Variants in KDM2B observed in about 807,000 individuals in gnomAD.
The protein encoded by KDM2B is lysine demethylase 2B.
Under a neutral mutation model 150.0 loss-of-function variants are expected in KDM2B, and 26 were observed. The ratio of observed to expected loss-of-function variants is 0.17; its 90% confidence interval spans 0.13 to 0.24. The LOEUF (loss-of-function observed/expected upper bound fraction) is 0.24. KDM2B is among the 10% of genes least tolerant of loss of function. KDM2B has a pLI of 1.00. For missense variants in KDM2B, 1,265 were observed against 1,816.9 expected, an observed-to-expected ratio of 0.70 and a Z score of 5.52; for synonymous variants, 734 against 729.5, an observed-to-expected ratio of 1.01 and a Z score of -0.10.
At chr12:121,500,935 TAC>T (rs1159629206) in intron 11 of KDM2B, among the ~76,000 whole-genome samples, 1 of 152,140 alleles carries the variant, frequency 6.6e-6, no homozygotes, top group Non-Finnish European at 1.5e-5. Flanking sequence ...ACCCTGTCTC[TAC>T]TGAAAACACA....
At chr12:121,536,672 T>TTC (rs1457110370) in intron 6 of KDM2B, among the ~76,000 whole-genome samples, 3 of 151,996 alleles carry the variant, frequency 2.0e-5, no homozygotes, top group African/African-American at 7.2e-5. Flanking sequence ...TTTTTTTTTT[T>TTC]TTTCTTTTTT....
intron 8 of KDM2B, among the ~76,000 whole-genome samples, chr12:121,529,657 C>T (rs782254373): frequency 6.6e-6 from 1 of 151,936 alleles, no homozygotes; most frequent in Non-Finnish European, 1.5e-5. Flanking sequence ...GGGCTGGGCG[C>T]GGTGGCTCAT....
At chr12:121,573,729 A>C (rs1891293479) in intron 4 of KDM2B, among the ~76,000 whole-genome samples, 1 of 151,980 alleles carries the variant, frequency 6.6e-6, no homozygotes, top group African/African-American at 2.4e-5. Context: ...CTGGGACCAC[A>C]GGCGCCCGCC....
the KDM2B span, among the ~76,000 whole-genome samples, chr12:121,421,963 T>C: frequency 6.6e-6 from 1 of 152,228 alleles, no homozygotes; most frequent in African/African-American, 2.4e-5. Flanking sequence ...GCAATCCTAC[T>C]TCAAAGATGA....
intron 4 of KDM2B, among the ~76,000 whole-genome samples, chr12:121,571,945 C>T (rs533566882): frequency 6.6e-6 from 1 of 152,258 alleles, no homozygotes; most frequent in East Asian, 1.9e-4. Flanking sequence ...GCCACGGCGC[C>T]CAGCCACTCT....
intron 12 of KDM2B, among the ~76,000 whole-genome samples, chr12:121,456,443 C>A (rs551140399): frequency 1.5e-4 from 23 of 152,312 alleles, no homozygotes; most frequent in African/African-American, 4.6e-4. Flanking sequence ...TCTTCAAATA[C>A]CTGGAACACA....
chr12:121,555,097 T>C (rs1231828630), intron 4 of KDM2B, among the ~76,000 whole-genome samples: 1 of 152,126 alleles, frequency 6.6e-6, no homozygotes, highest in African/African-American at 2.4e-5. Context: ...CACTTGAGCC[T>C]GGAAGGCAGA....
Position 121,500,088 on chromosome 12 carries a change from C to G in KDM2B, c.1648-5423G>C, listed in dbSNP as rs1884387063. ...CGGCCACCAGGGGGCGCCCTGGGCT[C>G]TGTCCCTCAGGGAAGAATTTTCATT... On this transcript the variant is annotated intron_variant, in intron 11 of 22. Coordinates refer to ENST00000377071, the MANE Select transcript of KDM2B (RefSeq NM_032590.5). Among the ~76,000 whole-genome samples, 4 of 152,236 alleles carry G rather than the reference C, an allele frequency of 2.6e-5. No individual in the cohort carries two copies. In the South Asian group the frequency reaches 8.3e-4, roughly 32 times the overall value.
At position 121,440,939 on chromosome 12, in the gene KDM2B, C is replaced by T. The variant is rs371398751; in HGVS notation, c.3487G>A (p.Ala1163Thr). The change falls in exon 21 of 23, where the codon GCG (alanine) becomes ACG (threonine). Residue 1163 changes from alanine to threonine, a missense_variant. By Grantham distance (58) the Ala-to-Thr change is moderately conservative (BLOSUM62 0). This residue lies in a region of KDM2B where 251 missense variants were observed against 397.8 expected (regional missense o/e 0.63). Coordinates refer to ENST00000377071, the MANE Select transcript of KDM2B (RefSeq NM_032590.5). ...CTGGAGCTGCAAAGGGCCGAGACCG[C>T]GATCCATGAGCAGCCTGACAGCACC... ...DLVLSGCSWI[A>T]VSALCSSSCP... is the part of the protein sequence containing the mutation. The T allele has an allele frequency of 2.5e-6, 4 of 1,613,892 alleles. No individual in the cohort carries two copies. Among genetic ancestry groups the T allele is most frequent in the African/African-American group, 1.3e-5 (1 of 74,932 alleles).
chr12:121,416,161 G>A, the KDM2B span: 71 of 1,613,486 alleles, frequency 4.4e-5, 1 homozygote, highest in Middle Eastern at 2.9e-3. Context: ...CTTTTTAGGC[G>A]GGTGCCACGT....
the KDM2B span, among the ~76,000 whole-genome samples, chr12:121,413,608 C>T: frequency 2.4e-4 from 30 of 126,580 alleles, no homozygotes; most frequent in Middle Eastern, 0.032. Context: ...GATGGAGTCT[C>T]GCTTTGTTGC....
At chr12:121,438,552 G>T (rs1248050583) in intron 22 of KDM2B, among the ~76,000 whole-genome samples, 1 of 152,184 alleles carries the variant, frequency 6.6e-6, no homozygotes, top group Admixed American at 6.5e-5. Context: ...CCTTGAGCTG[G>T]AGAAGCCTCA....
chr12:121,553,433 T>G (rs1395612038), intron 4 of KDM2B, among the ~76,000 whole-genome samples: 2 of 152,074 alleles, frequency 1.3e-5, no homozygotes, highest in Non-Finnish European at 2.9e-5. Flanking sequence ...AAGTCAGCAC[T>G]GAAGGCCAAG....
Position 121,518,626 on chromosome 12 carries a change from G to T in KDM2B, c.1047+2359C>A, listed in dbSNP as rs1054335551. 1.3e-5 allele frequency among the ~76,000 whole-genome samples: 2 copies of T among 152,206 alleles called. No homozygotes were observed. Among genetic ancestry groups the T allele is most frequent in the African/African-American group, 4.8e-5 (2 of 41,450 alleles). On this transcript the variant is annotated intron_variant, in intron 9 of 22. Transcript: ENST00000377071. The surrounding 1 kb of genome is among the most constrained non-coding windows in gnomAD (Gnocchi z 4.4). ...CTGCCAGTCGTCATGGGTGGGGGAA[G>T]GGACCTGGGCTCCTAAGGGAACCAT... is the stretch of plus-strand genomic sequence containing the variant.
chr12:121,493,816 T>G (rs1883616102), intron 12 of KDM2B: 1 of 152,226 alleles, frequency 6.6e-6, no homozygotes, highest in Non-Finnish European at 1.5e-5. Context: ...CTCTTCCTCA[T>G]GTCCTGGTCC....
At chr12:121,480,196 G>A (rs1389877593) in intron 12 of KDM2B, among the ~76,000 whole-genome samples, 7 of 152,238 alleles carry the variant, frequency 4.6e-5, no homozygotes, top group Non-Finnish European at 2.9e-5. Flanking sequence ...CAGATTCTCT[G>A]GAGCAAGGAG....
At chr12:121,481,535 T>C (rs1882137043) in intron 12 of KDM2B, among the ~76,000 whole-genome samples, 1 of 101,892 alleles carries the variant, frequency 9.8e-6, no homozygotes, top group Admixed American at 1.2e-4. Flanking sequence ...GAGAAAGAAG[T>C]CGGGGGGGTG....
In KDM2B at chr12:121,453,447, C is replaced by A; in HGVS notation, c.1735-103G>T. The stretch of plus-strand genomic sequence containing the variant: ...CAAACTGTGTACCCCCAGAAAGACA[C>A]GATGGGGGCTCTAAACCCCATTCCT... On this transcript the variant is annotated intron_variant, in intron 12 of 22. Transcript: ENST00000377071. This position sits in a 1 kb window ranked among gnomAD's most constrained non-coding sequence, Gnocchi z 6.4. The A allele has an allele frequency of 1.2e-6, 1 of 813,054 alleles. No individual in the cohort carries two copies. The highest frequency in any genetic ancestry group is 2.7e-5 in the East Asian group (1 of 37,158). The allele number at this position is 813,054 out of a possible 1,614,324, so 50.4% of individuals were successfully genotyped here. A position where few individuals can be genotyped will look rare whatever the true frequency, so the allele number is the denominator to read the frequency against.
At chr12:121,432,710 C>T (rs1161485383) in intron 22 of KDM2B, among the ~76,000 whole-genome samples, 1 of 152,250 alleles carries the variant, frequency 6.6e-6, no homozygotes, top group Non-Finnish European at 1.5e-5. Context: ...CATCTTGACC[C>T]TGTTCCCAGC....
Sources: gnomAD v4.1 joint callset for allele counts (sites outside exome capture counted in the v4.1 genomes callset) on GRCh38, gnomAD v4.1.1 for gene constraint, gnomAD v4.1.1 regional missense constraint, Gnocchi (gnomAD v3.1) non-coding constraint, MANE v1.5 for transcripts, NCBI Gene and HGNC (gene_info 2026-07-23, HGNC 2026-07-21) for gene names.